KIRREL1: variants seen among roughly 807,000 people sequenced by gnomAD.
The protein encoded by KIRREL1 is kin of IRRE-like protein 1.
Under a neutral mutation model 83.3 loss-of-function variants are expected in KIRREL1, and 25 were observed. The ratio of observed to expected loss-of-function variants is 0.30; its 90% CI spans 0.22 to 0.42. The LOEUF (loss-of-function observed/expected upper bound fraction) is 0.42, where lower values mean the gene tolerates loss of function less well. Among genes scored for constraint, KIRREL1 ranks in the 10% least tolerant of loss-of-function variants. The pLI is 1.00. For missense variants in KIRREL1, 812 were observed against 1,032.3 expected (o/e 0.79, Z 2.92); for synonymous variants, 388 against 410.4 (o/e 0.95, Z 0.66).
chr1:158,050,461 C>G (rs138576821), intron 1 of KIRREL1, among the ~76,000 whole-genome samples: 14 of 152,198 alleles, frequency 9.2e-5, no homozygotes, highest in Middle Eastern at 6.8e-3. Context: ...TTCACTCCCC[C>G]CTTTCCTCCC....
At chr1:158,059,783 C>T (rs1661161986) in intron 1 of KIRREL1, among the ~76,000 whole-genome samples, 1 of 152,050 alleles carries the variant, frequency 6.6e-6, no homozygotes, top group Non-Finnish European at 1.5e-5. Flanking sequence ...TCAATAAGCA[C>T]CTATTGATCA....
chr1:158,080,721 TG>T (rs1275383484), intron 3 of KIRREL1, among the ~76,000 whole-genome samples: 5 of 152,198 alleles, frequency 3.3e-5, no homozygotes, highest in African/African-American at 1.2e-4. Context: ...CAGCAACATG[TG>T]ACCTTAGAGG....
intron 1 of KIRREL1, among the ~76,000 whole-genome samples, chr1:158,029,369 A>ATGTGTGTGTGGGTGTGTG (rs1218198001): frequency 6.9e-6 from 1 of 145,114 alleles, no homozygotes; most frequent in Non-Finnish European, 1.5e-5. Context: ...GTGTGTGTGC[A>ATGTGTGTGTGGGTGTGTG]CGTGCGCGCG....
intron 1 of KIRREL1, among the ~76,000 whole-genome samples, chr1:157,997,226 A>T (rs1485168818): frequency 6.6e-6 from 1 of 152,168 alleles, no homozygotes; most frequent in Admixed American, 6.5e-5. Flanking sequence ...CGTAAGCTTG[A>T]ACAAGTCATG....
chr1:158,037,139 C>T (rs1660497741), intron 1 of KIRREL1, among the ~76,000 whole-genome samples: 1 of 152,174 alleles, frequency 6.6e-6, no homozygotes, highest in Admixed American at 6.5e-5. Context: ...GTTCTAGTCC[C>T]ACTGCTGCCA....
At position 158,076,243 on chromosome 1, in the gene KIRREL1, C is replaced by T. The variant is rs1197384845; in HGVS notation, c.183C>T (p.Gly61=). Residue 61 remains glycine (G), a synonymous_variant, in exon 2 of 15, where the codon GGC becomes GGT. Transcript: ENST00000359209. ...VQWTKDGLAL[G]MGQGLKAWPR... ...GGACCAAGGACGGGCTGGCCCTGGG[C>T]ATGGGCCAGGGCCTCAAAGGTGAGT... 1 of 1,614,170 alleles carries T rather than the reference C, an allele frequency of 6.2e-7. No individual in the cohort carries two copies. Among genetic ancestry groups the T allele is most frequent in the Non-Finnish European group, 8.5e-7 (1 of 1,180,004 alleles).
At chr1:158,063,362 G>A (rs1213205964) in intron 1 of KIRREL1, among the ~76,000 whole-genome samples, 1 of 127,010 alleles carries the variant, frequency 7.9e-6, no homozygotes, top group East Asian at 2.4e-4. Context: ...TATTAAGGCT[G>A]TAAGCTCCTG....
chr1:158,057,574 T>G (rs1180942028), intron 1 of KIRREL1, among the ~76,000 whole-genome samples: 1 of 152,204 alleles, frequency 6.6e-6, no homozygotes. Context: ...CCATAGCCAC[T>G]GCTTCCAGGA....
chr1:158,068,557 C>G (rs1180964848), intron 1 of KIRREL1, among the ~76,000 whole-genome samples: 1 of 152,214 alleles, frequency 6.6e-6, no homozygotes, highest in Non-Finnish European at 1.5e-5. Context: ...TGGCCCTTGC[C>G]AGGTTTCTTT....
In KIRREL1 at chr1:158,089,483, G is replaced by A. The variant is rs761049719; in HGVS notation, c.1045-19G>A. 5 of 1,613,872 alleles carry A rather than the reference G, an allele frequency of 3.1e-6. No homozygotes were observed. The Admixed American group carries it at 5.0e-5, about 16-fold the overall frequency. On this transcript the variant is annotated intron_variant, in intron 8 of 14. Transcript: ENST00000359209. Reference sequence around the variant, plus strand: ...CCAGGCCTCCTGGCTCCCCACCCGAGGCTGCTCTCTCTGCCCAGGTCCTGA... The same window carrying A: ...CCAGGCCTCCTGGCTCCCCACCCGAAGCTGCTCTCTCTGCCCAGGTCCTGA...
chr1:157,993,881 C>T (rs1659115751), intron 1 of KIRREL1, 153 bp downstream of exon 1: 2 of 470,114 alleles, frequency 4.3e-6, no homozygotes, highest in Non-Finnish European at 7.6e-6. Flanking sequence ...GGCGCAGAGC[C>T]CTGGGGGAGG....
intron 1 of KIRREL1, 115 bp from the exon 2 acceptor site, chr1:158,075,998 G>A (rs1661668789): frequency 1.3e-5 from 12 of 931,130 alleles, no homozygotes; most frequent in Non-Finnish European, 1.9e-5. Context: ...AGGGACCGGA[G>A]AGTCCCCATC....
chr1:158,076,139 C>T lies in KIRREL1; in HGVS notation c.79C>T (p.Pro27Ser). The T allele has an allele frequency of 6.2e-7, 1 of 1,614,116 alleles. No individual in the cohort carries two copies. Among genetic ancestry groups the T allele is most frequent in the Non-Finnish European group, 8.5e-7 (1 of 1,179,994 alleles). Reference sequence around the variant, plus strand: ...GACCCAGACCCGCTTCAGCCAGGAGCCAGCTGACCAGACGGTGGTGGCTGG... The same window carrying T: ...GACCCAGACCCGCTTCAGCCAGGAGTCAGCTGACCAGACGGTGGTGGCTGG... ...QGTQTRFSQEPADQTVVAGQR... is the reference protein window; with the variant it reads ...QGTQTRFSQESADQTVVAGQR... Residue 27 changes from proline to serine, a missense_variant, in exon 2 of 15, where the codon CCA becomes TCA. By Grantham distance (74) the Pro-to-Ser change is moderately conservative. Transcript: ENST00000359209.
At chr1:158,056,888 C>G (rs996314317) in intron 1 of KIRREL1, among the ~76,000 whole-genome samples, 2 of 152,152 alleles carry the variant, frequency 1.3e-5, no homozygotes, top group East Asian at 3.9e-4. Flanking sequence ...GCCTTAGTTT[C>G]TCCTTCTAAA....
chr1:158,017,819 C>G (rs1571539801), intron 1 of KIRREL1, among the ~76,000 whole-genome samples: 1 of 151,670 alleles, frequency 6.6e-6, no homozygotes, highest in South Asian at 2.1e-4. Context: ...GCAGCCCTCC[C>G]TCTCAATCTC....
intron 1 of KIRREL1, among the ~76,000 whole-genome samples, chr1:158,017,902 A>T (rs181158110): frequency 6.7e-6 from 1 of 150,318 alleles, no homozygotes; most frequent in Non-Finnish European, 1.5e-5. Flanking sequence ...AAAAAAAAAG[A>T]TTCCAGTTAA....
At chr1:158,013,741 A>C (rs1280179275) in intron 1 of KIRREL1, among the ~76,000 whole-genome samples, 1 of 152,086 alleles carries the variant, frequency 6.6e-6, no homozygotes, top group Non-Finnish European at 1.5e-5. Flanking sequence ...CCGACTAGAA[A>C]ACTGCCACTT....
chr1:158,076,116 C>A lies in KIRREL1; in HGVS notation c.56C>A (p.Thr19Asn). The A allele has an allele frequency of 6.2e-7, 1 of 1,613,706 alleles. No homozygotes were observed. Among genetic ancestry groups the A allele is most frequent in the South Asian group, 1.1e-5 (1 of 91,050 alleles). The change falls in exon 2 of 15, where the codon ACC (threonine) becomes AAC (asparagine). Residue 19 changes from threonine (T) to asparagine (N), a missense_variant. By Grantham distance (65) the Thr-to-Asn change is moderately conservative. Around this residue, in one of 3 missense-constraint regions of KIRREL1, gnomAD observed 472 missense variants for 626.8 expected, o/e 0.75. Coordinates refer to ENST00000359209, the MANE Select transcript of KIRREL1 (RefSeq NM_018240.7). The part of the protein sequence containing the change: ...LTLSDTFSQG[T>N]QTRFSQEPAD... The stretch of plus-strand genomic sequence containing the variant: ...AGTGCTGGCTTTGGCTTTGCAGGGA[C>A]CCAGACCCGCTTCAGCCAGGAGCCA...
chr1:158,050,028 G>A (rs572413612), intron 1 of KIRREL1, among the ~76,000 whole-genome samples: 1 of 152,276 alleles, frequency 6.6e-6, no homozygotes, highest in South Asian at 2.1e-4. Flanking sequence ...TGAGGACCAA[G>A]GACTTGGCAG....
Sources: allele counts gnomAD v4.1 joint callset (sites outside exome capture counted in the v4.1 genomes callset), GRCh38; gene constraint gnomAD v4.1.1; regional missense constraint gnomAD v4.1.1; transcripts MANE v1.5; gene names NCBI Gene and HGNC (gene_info 2026-07-23, HGNC 2026-07-21).